Variants in DMXL1 observed in about 807,000 individuals in gnomAD.
DMXL1 encodes dmX-like protein 1.
DMXL1 carries 99 observed loss-of-function variants against 319.2 expected under a neutral mutation model. The ratio of observed to expected loss-of-function variants is 0.31; its 90% confidence interval spans 0.26 to 0.37. The LOEUF is 0.37. Among genes scored for constraint, DMXL1 ranks in the 10% least tolerant of loss-of-function variants. The pLI is 1.00. For synonymous variants in DMXL1, 1,385 were observed against 1,235.2 expected (o/e 1.12, Z -2.54); for missense variants, 3,745 against 3,595.6 (o/e 1.04, Z -1.06).
chr5:119,099,202 TGTTTGTTTGTTTTG>T (rs1469478720), intron 2 of DMXL1, among the ~76,000 whole-genome samples: 14 of 150,646 alleles, frequency 9.3e-5, no homozygotes, highest in Non-Finnish European at 1.6e-4. Flanking sequence ...TGTTTGTTTT[TGTTTGTTTGTTTTG>T]TTTTTTGTTT....
chr5:119,196,963 T>C (rs968720160), intron 31 of DMXL1, among the ~76,000 whole-genome samples: 4 of 152,152 alleles, frequency 2.6e-5, no homozygotes, highest in Non-Finnish European at 5.9e-5. Context: ...CATTATGCCG[T>C]AGTAGTAAAT....
At chr5:119,177,783 T>A (rs1776091263) in intron 27 of DMXL1, among the ~76,000 whole-genome samples, 1 of 152,174 alleles carries the variant, frequency 6.6e-6, no homozygotes, top group Admixed American at 6.5e-5. Flanking sequence ...TGAAAGATTT[T>A]AATGTTTAAT....
chr5:119,212,305 A>C (rs1196739365), intron 34 of DMXL1, among the ~76,000 whole-genome samples: 1 of 152,194 alleles, frequency 6.6e-6, no homozygotes, highest in Non-Finnish European at 1.5e-5. Context: ...GGAATTGTAT[A>C]ATAGTTATCC....
chr5:119,193,858 G>C lies in DMXL1; in HGVS notation c.7345G>C (p.Glu2449Gln). ...TCTACCCTCTTCTCAAAGTAGAGCC[G>C]AATATGATTCAGAGGAGAGTCTGGG... ...PFLPSSQSRA[E>Q]YDSEESLGSD... is the part of the protein sequence containing the mutation. Residue 2449 changes from glutamate to glutamine, a missense_variant, in exon 30 of 44, where the codon GAA (glutamate) becomes CAA (glutamine). By Grantham distance (29) the Glu-to-Gln change is conservative (BLOSUM62 2). This residue lies in a region of DMXL1 where 1,382 missense variants were observed against 1,269.5 expected (regional missense o/e 1.09). Coordinates refer to ENST00000539542, the MANE Select transcript of DMXL1 (RefSeq NM_001290321.3). 6.2e-7 allele frequency: 1 copy of C among 1,612,748 alleles called. No individual in the cohort carries two copies. The highest frequency in any genetic ancestry group is 8.5e-7 in the Non-Finnish European group (1 of 1,179,492).
chr5:119,116,413 G>A (rs1230613294), intron 7 of DMXL1, 77 bp downstream of exon 7: 1 of 1,472,718 alleles, frequency 6.8e-7, no homozygotes, highest in African/African-American at 1.4e-5. Flanking sequence ...TCTCACTTTT[G>A]AGAGTCCATA....
At position 119,150,292 on chromosome 5, in the gene DMXL1, C is replaced by G; in HGVS notation, c.4465C>G (p.Leu1489Val). The change falls in exon 18 of 44, where the codon CTT (leucine) becomes GTT (valine). Residue 1489 changes from leucine (L) to valine (V), a missense_variant. Physicochemically the swap from Leu to Val is conservative, Grantham distance 32. Around this residue, in one of 4 missense-constraint regions of DMXL1, gnomAD observed 2,096 missense variants for 1,985.4 expected, o/e 1.06. Coordinates refer to ENST00000539542, the MANE Select transcript of DMXL1 (RefSeq NM_001290321.3). ...TYFGPEHAQV[L>V]SGHLLHSSLP... ...CTTTGGACCTGAGCATGCTCAGGTT[C>G]TTTCTGGCCACTTACTTCATTCTAG... 1 of 1,613,778 alleles carries G rather than the reference C, an allele frequency of 6.2e-7. No homozygotes were observed. The highest frequency in any genetic ancestry group is 8.5e-7 in the Non-Finnish European group (1 of 1,179,840).
In DMXL1 at chr5:119,133,716, A is replaced by G. The variant is rs1765415948; in HGVS notation, c.1792A>G (p.Met598Val). Residue 598 changes from methionine (M) to valine (V), a missense_variant, in exon 12 of 44, where the codon ATG (methionine) becomes GTG (valine). By Grantham distance (21) the Met-to-Val change is conservative. This residue lies in a region of DMXL1 where 2,096 missense variants were observed against 1,985.4 expected (regional missense o/e 1.06). Coordinates refer to ENST00000539542, the MANE Select transcript of DMXL1 (RefSeq NM_001290321.3). ...LKLSIFTPNV[M>V]MISKHADGSL... The stretch of plus-strand genomic sequence containing the variant: ...ATTAAGTATTTTTACGCCTAATGTT[A>G]TGATGATATCAAAACATGCTGATGG... The G allele has an allele frequency of 6.2e-6, 10 of 1,614,074 alleles. No homozygotes were observed. Among genetic ancestry groups the G allele is most frequent in the Non-Finnish European group, 8.5e-6 (10 of 1,179,918 alleles).
intron 1 of DMXL1, among the ~76,000 whole-genome samples, chr5:119,090,640 G>C (rs896752674): frequency 6.9e-6 from 1 of 144,660 alleles, no homozygotes; most frequent in Non-Finnish European, 1.5e-5. Context: ...TCGGCTCACC[G>C]CAACCTCTGC....
At chr5:119,241,159 A>G (rs1172511866) in intron 42 of DMXL1, among the ~76,000 whole-genome samples, 1 of 152,214 alleles carries the variant, frequency 6.6e-6, no homozygotes. Flanking sequence ...AGAAAATGTT[A>G]TGAAAATCAT....
At chr5:119,231,680 C>G (rs1786758530) in intron 38 of DMXL1, among the ~76,000 whole-genome samples, 1 of 152,154 alleles carries the variant, frequency 6.6e-6, no homozygotes, top group Non-Finnish European at 1.5e-5. Context: ...AACACCAGAC[C>G]AGAAGCCATT....
intron 13 of DMXL1, among the ~76,000 whole-genome samples, chr5:119,143,432 A>G (rs1353874259): frequency 6.6e-6 from 1 of 152,078 alleles, no homozygotes; most frequent in Non-Finnish European, 1.5e-5. Flanking sequence ...TGACTAAAGC[A>G]GTCAGGACAT....
At chr5:119,138,945 C>T (rs542978104) in intron 13 of DMXL1, 2 of 152,156 alleles carry the variant, frequency 1.3e-5, no homozygotes, top group Non-Finnish European at 2.9e-5. Context: ...CATGCAAATT[C>T]ATGAAGTGTT....
In DMXL1 at chr5:119,247,340, T is replaced by C. The variant is rs1789976044; in HGVS notation, c.*121T>C. 1 of 738,960 alleles carries C rather than the reference T, an allele frequency of 1.4e-6. No homozygotes were observed. The highest frequency in any genetic ancestry group is 2.1e-6 in the Non-Finnish European group (1 of 466,082). The allele number at this position is 738,960 out of a possible 1,614,324, so 45.8% of individuals were successfully genotyped here. On this transcript the variant is annotated 3_prime_UTR_variant, in exon 44 of 44. Transcript: ENST00000539542. ...TGCTTTCTTGTTTTTATATTTATTT[T>C]ATGGAGCTTTGCCCTTGATGCACTG...
intron 18 of DMXL1, among the ~76,000 whole-genome samples, chr5:119,151,296 A>G (rs1450218144): frequency 6.6e-6 from 1 of 152,148 alleles, no homozygotes; most frequent in East Asian, 1.9e-4. Flanking sequence ...TCTGAAATGA[A>G]CAAATTGAGC....
intron 1 of DMXL1, among the ~76,000 whole-genome samples, chr5:119,083,013 C>T (rs1056607311): frequency 3.9e-5 from 6 of 151,932 alleles, no homozygotes; most frequent in Non-Finnish European, 7.4e-5. Context: ...CAGTTCCATC[C>T]TTTTTATTGT....
intron 38 of DMXL1, among the ~76,000 whole-genome samples, chr5:119,230,486 A>G (rs979077078): frequency 6.6e-6 from 1 of 152,254 alleles, no homozygotes; most frequent in East Asian, 1.9e-4. Flanking sequence ...TTTAACATAT[A>G]TAAAGTCATA....
chr5:119,091,933 A>G (rs1231025480), intron 1 of DMXL1, among the ~76,000 whole-genome samples: 1 of 152,142 alleles, frequency 6.6e-6, no homozygotes, highest in Non-Finnish European at 1.5e-5. Context: ...GTCCTCAGAG[A>G]TATTTCTTTA....
In DMXL1 at chr5:119,134,033, T is replaced by C. The variant is rs1170864431; in HGVS notation, c.2109T>C (p.Ser703=). The change falls in exon 12 of 44, where the codon AGT becomes AGC. Residue 703 remains serine (S), a synonymous_variant. Coordinates refer to ENST00000539542, the MANE Select transcript of DMXL1 (RefSeq NM_001290321.3). ...TTCAGGATCCCAGTGCAGTTTACAG[T>C]GAGCTTATTCTGTGGAGGGTTGACC... ...VAFQDPSAVY[S]ELILWRVDPV... The C allele has an allele frequency of 6.2e-7, 1 of 1,613,294 alleles. No homozygotes were observed. Among genetic ancestry groups the C allele is most frequent in the East Asian group, 2.2e-5 (1 of 44,882 alleles).
Position 119,247,500 on chromosome 5 carries a change from CTTA to C in DMXL1, c.*284_*286del, listed in dbSNP as rs949434228. 17 of 196,004 alleles carry C rather than the reference CTTA, an allele frequency of 8.7e-5. No homozygotes were observed. Among genetic ancestry groups the C allele is most frequent in the African/African-American group, 1.4e-4 (6 of 43,012 alleles). 12.1% of individuals were successfully genotyped at this position (196,004 alleles called of 1,614,324 possible). A position where few individuals can be genotyped will look rare whatever the true frequency, so the allele number is the denominator to read the frequency against. On this transcript the variant is annotated 3_prime_UTR_variant, in exon 44 of 44. Transcript: ENST00000539542. ...CATAGTGTTAAAGGTGTTTTGTTTT[CTTA>C]TTGATACTTTTCCACAGGCATCTCT... is the stretch of plus-strand genomic sequence containing the variant.
Sources: gnomAD v4.1 joint callset for allele counts (sites outside exome capture counted in the v4.1 genomes callset) on GRCh38, gnomAD v4.1.1 for gene constraint, gnomAD v4.1.1 regional missense constraint, MANE v1.5 for transcripts, NCBI Gene and HGNC (gene_info 2026-07-23, HGNC 2026-07-21) for gene names.